ZMYND8: variants seen among roughly 807,000 people sequenced by gnomAD.
ZMYND8 encodes the protein MYND-type zinc finger-containing chromatin reader ZMYND8.
A neutral mutation model predicts 140.8 loss-of-function variants in ZMYND8; 37 were observed. That is an observed-to-expected ratio of 0.26 (90% CI 0.20 to 0.35). The LOEUF is 0.35. Among genes scored for constraint, ZMYND8 ranks in the 10% least tolerant of loss-of-function variants. ZMYND8 has a pLI of 1.00. For missense variants in ZMYND8, 1,068 were observed against 1,570.0 expected, an observed-to-expected ratio of 0.68 and a Z score of 5.40; for synonymous variants, 592 against 597.1, an observed-to-expected ratio of 0.99 and a Z score of 0.12.
intron 11 of ZMYND8, among the ~76,000 whole-genome samples, chr20:47,270,295 C>CCCAGGTGGTAGAGTTTA (rs2075830738): frequency 6.7e-6 from 1 of 148,964 alleles, no homozygotes. Context: ...ATCGCTTGAA[C>CCCAGGTGGTAGAGTTTA]CCAGGTGGTA....
At chr20:47,313,000 T>C (rs2079059327) in intron 2 of ZMYND8, among the ~76,000 whole-genome samples, 1 of 152,148 alleles carries the variant, frequency 6.6e-6, no homozygotes, top group Non-Finnish European at 1.5e-5. Flanking sequence ...ATGACTGCAC[T>C]GCAGCACTGT....
chr20:47,233,729 T>C (rs559713114), intron 16 of ZMYND8, among the ~76,000 whole-genome samples: 1 of 152,332 alleles, frequency 6.6e-6, no homozygotes, highest in South Asian at 2.1e-4. Context: ...TTCAGTTTTC[T>C]CATCTATAAA....
rs1171969664 is a variant in ZMYND8 at position 47,233,823 on chromosome 20, T to TC, written c.2856+2502dup. On this transcript the variant is annotated intron_variant, in intron 16 of 22. Transcript: ENST00000471951. ...CATACAAAAAGTGCTTAGGACAGCA[T>TC]CTAGCCTAGAGTAAATGCTATGCAG... 2.6e-5 allele frequency among the ~76,000 whole-genome samples: 4 copies of TC among 152,224 alleles called. No homozygotes were observed. In the East Asian group the frequency reaches 7.7e-4, roughly 29 times the overall value.
chr20:47,268,259 CCAGCCTGGCCAA>C lies in ZMYND8; in HGVS notation c.1481-5843_1481-5832del, dbSNP rs1321477191. ...ATCACTTGAGGTCAGGAGTTTGAGA[CCAGCCTGGCCAA>C]CATGGTGAAACCCCGTCTCTTTTTT... is the stretch of plus-strand genomic sequence containing the variant. On this transcript the variant is annotated intron_variant, in intron 11 of 22. Transcript: ENST00000471951. 2.0e-5 allele frequency among the ~76,000 whole-genome samples: 3 copies of C among 150,620 alleles called. No homozygotes were observed. In the East Asian group the frequency reaches 5.9e-4, roughly 30 times the overall value.
intron 10 of ZMYND8, among the ~76,000 whole-genome samples, chr20:47,280,452 C>G (rs2076536197): frequency 6.6e-6 from 1 of 152,212 alleles, no homozygotes; most frequent in African/African-American, 2.4e-5. Context: ...GCACACAGAG[C>G]TGGCCAACTC....
At chr20:47,224,607 T>C in intron 18 of ZMYND8, 51 bp from the exon 19 acceptor site, 1 of 1,603,146 alleles carries the variant, frequency 6.2e-7, no homozygotes, top group Non-Finnish European at 8.5e-7. Flanking sequence ...CAGCCTGGGG[T>C]GTGGGGTTAT....
chr20:47,317,213 G>A (rs1344975172), intron 2 of ZMYND8, among the ~76,000 whole-genome samples: 1 of 152,226 alleles, frequency 6.6e-6, no homozygotes, highest in Admixed American at 6.5e-5. Context: ...GTGGAAAGTC[G>A]TGTCATTCAC....
At chr20:47,222,359 C>T (rs1051957378) in intron 19 of ZMYND8, among the ~76,000 whole-genome samples, 1 of 152,182 alleles carries the variant, frequency 6.6e-6, no homozygotes, top group Non-Finnish European at 1.5e-5. Context: ...CACAGTAAAA[C>T]CCTGTCTCTA....
chr20:47,215,740 C>T (rs1416378074), intron 21 of ZMYND8, among the ~76,000 whole-genome samples: 6 of 152,112 alleles, frequency 3.9e-5, no homozygotes, highest in Non-Finnish European at 8.8e-5. Context: ...TTAAGCTATG[C>T]CATTCAATAT....
chr20:47,234,894 C>T (rs1034433727), intron 16 of ZMYND8, among the ~76,000 whole-genome samples: 1 of 152,100 alleles, frequency 6.6e-6, no homozygotes, highest in African/African-American at 2.4e-5. Flanking sequence ...AATCCCAACA[C>T]TTTGGGAGGA....
chr20:47,344,602 G>A (rs1347313282), intron 2 of ZMYND8, among the ~76,000 whole-genome samples: 2 of 152,208 alleles, frequency 1.3e-5, no homozygotes, highest in Admixed American at 6.5e-5. Flanking sequence ...GTGGGAAACC[G>A]AAGGAAATCT....
intron 12 of ZMYND8, among the ~76,000 whole-genome samples, chr20:47,259,823 T>C (rs921411408): frequency 1.3e-5 from 2 of 152,120 alleles, no homozygotes; most frequent in Admixed American, 1.3e-4. Context: ...CCACCAATCA[T>C]TAGATGCCAG....
chr20:47,237,626 C>T (rs770549640), intron 15 of ZMYND8: 5 of 152,192 alleles, frequency 3.3e-5, no homozygotes, highest in African/African-American at 4.8e-5. Context: ...TTTTGCCTGG[C>T]CAATTCTTCA....
rs1178678119 is a variant in ZMYND8, at chr20:47,238,537, C to A, written c.2665+221G>T. ...TTTTAAGGAGAATATATGCATGTATCATTTATAAAATGAACAAAAAAAACT... is the reference window on the plus strand; with the variant it reads ...TTTTAAGGAGAATATATGCATGTATAATTTATAAAATGAACAAAAAAAACT... On this transcript the variant is annotated intron_variant, in intron 15 of 22. Coordinates refer to ENST00000471951, the MANE Select transcript of ZMYND8 (RefSeq NM_001281775.3). 86 of 776,522 alleles carry A rather than the reference C, an allele frequency of 1.1e-4. No individual in the cohort carries two copies. The East Asian group carries it at 2.3e-3, about 21-fold the overall frequency. The allele number at this position is 776,522 out of a possible 1,614,324, so 48.1% of individuals were successfully genotyped here.
chr20:47,324,074 C>T (rs186534136), intron 2 of ZMYND8, among the ~76,000 whole-genome samples: 7 of 151,854 alleles, frequency 4.6e-5, no homozygotes, highest in Non-Finnish European at 8.8e-5. Context: ...TGGTGGAGGA[C>T]GCCTGTAATC....
intron 11 of ZMYND8, among the ~76,000 whole-genome samples, chr20:47,267,383 C>T (rs2075603568): frequency 6.6e-6 from 1 of 150,434 alleles, no homozygotes; most frequent in African/African-American, 2.5e-5. Flanking sequence ...CTAAATGCCA[C>T]TGATCTGTTC....
intron 5 of ZMYND8, among the ~76,000 whole-genome samples, chr20:47,293,819 C>T (rs1000487336): frequency 6.6e-6 from 1 of 152,136 alleles, no homozygotes; most frequent in African/African-American, 2.4e-5. Context: ...TTAATCCCTA[C>T]ATGTCAAGGG....
Position 47,245,526 on chromosome 20 carries a change from G to A in ZMYND8, c.2284+482C>T, listed in dbSNP as rs527585820. Among the ~76,000 whole-genome samples the A allele has an allele frequency of 5.3e-5, 8 of 152,302 alleles. No homozygotes were observed. In the East Asian group the frequency reaches 5.8e-4, roughly 11 times the overall value. On this transcript the variant is annotated intron_variant, in intron 14 of 22. Transcript: ENST00000471951. ...CTCCCCAAGTGCTGGGATTACAGGC[G>A]TGAGCCACCATGCCCAGCTTGAAAT... is the stretch of plus-strand genomic sequence containing the variant.
At chr20:47,292,743 G>T (rs928295446) in intron 5 of ZMYND8, among the ~76,000 whole-genome samples, 1 of 152,132 alleles carries the variant, frequency 6.6e-6, no homozygotes, top group East Asian at 1.9e-4. Context: ...GGGGCATCAT[G>T]TCCGCAAGTT....
Sources: gnomAD v4.1 joint callset for allele counts (sites outside exome capture counted in the v4.1 genomes callset) on GRCh38, gnomAD v4.1.1 for gene constraint, MANE v1.5 for transcripts, NCBI Gene and HGNC (gene_info 2026-07-23, HGNC 2026-07-21) for gene names.